MGAT4C: variants seen among roughly 807,000 people sequenced by gnomAD.
The protein encoded by MGAT4C is alpha-1,3-mannosyl-glycoprotein 4-beta-N-acetylglucosaminyltransferase C.
Under a neutral mutation model 40.1 loss-of-function variants are expected in MGAT4C, and 19 were observed. The ratio of observed to expected loss-of-function variants is 0.47; its 90% CI spans 0.33 to 0.70. The LOEUF (loss-of-function observed/expected upper bound fraction) is 0.70, where lower values mean the gene tolerates loss of function less well. Ranked by LOEUF, MGAT4C falls within the 30% of genes least tolerant of loss-of-function variation. The pLI is 0.02. For missense variants in MGAT4C, 491 were observed against 563.2 expected (o/e 0.87, Z 1.30); for synonymous variants, 181 against 187.1 (o/e 0.97, Z 0.27).
At chr12:86,673,398 T>C (rs550162823) in intron 2 of MGAT4C, among the ~76,000 whole-genome samples, 37 of 152,274 alleles carry the variant, frequency 2.4e-4, no homozygotes, top group Non-Finnish European at 5.9e-5. Context: ...GTATCATATA[T>C]CATTCCCTCA....
At chr12:86,565,920 C>T (rs1356066851) in intron 2 of MGAT4C, among the ~76,000 whole-genome samples, 1 of 152,136 alleles carries the variant, frequency 6.6e-6, no homozygotes, top group South Asian at 2.1e-4. Flanking sequence ...GCAACATGGA[C>T]TTCCACTCAC....
chr12:86,367,437 T>A (rs565460735), intron 3 of MGAT4C, among the ~76,000 whole-genome samples: 42 of 152,232 alleles, frequency 2.8e-4, no homozygotes, highest in African/African-American at 1.0e-3. Flanking sequence ...CCCTCCCAGA[T>A]AAGCACAACA....
chr12:86,505,565 T>C (rs1327269218), intron 2 of MGAT4C, among the ~76,000 whole-genome samples: 1 of 152,206 alleles, frequency 6.6e-6, no homozygotes, highest in Non-Finnish European at 1.5e-5. Context: ...TTTTTCCATG[T>C]GGAATATCTA....
chr12:86,521,591 T>C (rs939793820), intron 2 of MGAT4C, among the ~76,000 whole-genome samples: 1 of 152,056 alleles, frequency 6.6e-6, no homozygotes, highest in South Asian at 2.1e-4. Context: ...TTTGGTTCCA[T>C]ATGAATTTTT....
At chr12:86,573,155 A>G (rs536007952) in intron 2 of MGAT4C, among the ~76,000 whole-genome samples, 1 of 152,026 alleles carries the variant, frequency 6.6e-6, no homozygotes, top group Non-Finnish European at 1.5e-5. Flanking sequence ...GATTGTTGAA[A>G]TGTATAAAGA....
intron 3 of MGAT4C, among the ~76,000 whole-genome samples, chr12:86,366,709 T>C (rs1007936994): frequency 1.3e-5 from 2 of 152,140 alleles, no homozygotes; most frequent in African/African-American, 4.8e-5. Flanking sequence ...ACATGTAGCC[T>C]TTAATGTATA....
Position 86,644,741 on chromosome 12 carries a change from A to G in MGAT4C, c.-229+82468T>C, listed in dbSNP as rs530999260. 3.4e-3 allele frequency among the ~76,000 whole-genome samples: 524 copies of G among 151,900 alleles called. 1 individual carries two copies. The highest frequency in any genetic ancestry group is 0.012 in the African/African-American group (502 of 41,528). The stretch of plus-strand genomic sequence containing the variant: ...TCAACAATGAAAATATATGAATAGC[A>G]TATAAAAATAAAATTTAATTTTATC... On this transcript the variant is annotated intron_variant, in intron 2 of 7. Coordinates refer to the MGAT4C transcript ENST00000548651.
At chr12:86,774,402 TC>T (rs1951716315) in intron 1 of MGAT4C, among the ~76,000 whole-genome samples, 1 of 139,962 alleles carries the variant, frequency 7.1e-6, no homozygotes, top group South Asian at 2.3e-4. Flanking sequence ...CTCTCCTCTC[TC>T]TCTCTCTCTC....
intron 4 of MGAT4C, among the ~76,000 whole-genome samples, chr12:86,319,882 T>G (rs1954337538): frequency 6.6e-6 from 1 of 152,214 alleles, no homozygotes; most frequent in Admixed American, 6.5e-5. Context: ...ATAAAATTTT[T>G]TTAAAGTCCA....
intron 1 of MGAT4C, among the ~76,000 whole-genome samples, chr12:86,756,917 G>A (rs2136147455): frequency 6.6e-6 from 1 of 152,190 alleles, no homozygotes; most frequent in Non-Finnish European, 1.5e-5. Context: ...TGCTTCAAAT[G>A]TATAACAAAA....
intron 1 of MGAT4C, among the ~76,000 whole-genome samples, chr12:86,221,928 T>C (rs1409014522): frequency 1.3e-5 from 2 of 152,210 alleles, no homozygotes; most frequent in Non-Finnish European, 2.9e-5. Flanking sequence ...TACATGCACA[T>C]ATACAAACAT....
At chr12:86,069,927 A>T (rs919854270) in intron 1 of MGAT4C, among the ~76,000 whole-genome samples, 5 of 152,090 alleles carry the variant, frequency 3.3e-5, no homozygotes, top group African/African-American at 1.2e-4. Context: ...ATTAAATAAT[A>T]TATTCTCATT....
At chr12:86,345,275 T>A (rs1955003689) in intron 3 of MGAT4C, among the ~76,000 whole-genome samples, 3 of 151,814 alleles carry the variant, frequency 2.0e-5, no homozygotes, top group African/African-American at 7.3e-5. Flanking sequence ...TATTTTATTT[T>A]ATTTTTATTA....
rs1883809349 is a variant in MGAT4C, at chr12:85,974,447, CATGTATAT to C, written c.*4834_*4841del. On this transcript the variant is annotated 3_prime_UTR_variant, in exon 5 of 5. Transcript: ENST00000611864. ...TACACAACACATATACAAATACATA[CATGTATAT>C]ATGTATATATATACACAAATATACA... 1 of 150,430 alleles carries C rather than the reference CATGTATAT, an allele frequency of 6.6e-6. No homozygotes were observed. 9.3% of individuals were successfully genotyped at this position (150,430 alleles called of 1,614,324 possible). A position where few individuals can be genotyped will look rare whatever the true frequency, so the allele number is the denominator to read the frequency against.
At chr12:86,185,281 T>TG (rs1888633193) in intron 1 of MGAT4C, among the ~76,000 whole-genome samples, 1 of 152,174 alleles carries the variant, frequency 6.6e-6, no homozygotes, top group Admixed American at 6.6e-5. Context: ...TATCTTCATT[T>TG]TGGTAAGTAA....
In MGAT4C at chr12:85,976,728, G is replaced by A. The variant is rs1225326229; in HGVS notation, c.*2561C>T. The A allele has an allele frequency of 1.4e-5, 2 of 147,748 alleles. No individual in the cohort carries two copies. Among genetic ancestry groups the A allele is most frequent in the African/African-American group, 2.5e-5 (1 of 40,682 alleles). The allele number at this position is 147,748 out of a possible 1,614,324, so 9.2% of individuals were successfully genotyped here. On this transcript the variant is annotated 3_prime_UTR_variant, in exon 5 of 5. Coordinates refer to ENST00000611864, the MANE Select transcript of MGAT4C (RefSeq NM_001351288.2). ...ATATATATAAACTTACAGCAAAAAT[G>A]TTTAAAAATAGCAAATAGTTTGAGT...
intron 2 of MGAT4C, among the ~76,000 whole-genome samples, chr12:86,706,362 G>A (rs532820908): frequency 1.4e-4 from 21 of 152,074 alleles, no homozygotes; most frequent in Non-Finnish European, 1.8e-4. Context: ...TAATTGGAAT[G>A]TTCAACAAAT....
chr12:86,088,328 C>T (rs1031101401), intron 1 of MGAT4C, among the ~76,000 whole-genome samples: 3 of 152,002 alleles, frequency 2.0e-5, no homozygotes, highest in Non-Finnish European at 4.4e-5. Context: ...GATTTTATAA[C>T]AAAGATGCCA....
intron 4 of MGAT4C, among the ~76,000 whole-genome samples, chr12:86,267,968 G>C (rs1259096664): frequency 1.3e-5 from 2 of 152,062 alleles, no homozygotes; most frequent in Non-Finnish European, 2.9e-5. Context: ...ATAGGTTTTG[G>C]TGGCATTAGA....
Sources: gnomAD v4.1 joint callset for allele counts (sites outside exome capture counted in the v4.1 genomes callset) on GRCh38, gnomAD v4.1.1 for gene constraint, MANE v1.5 for transcripts, NCBI Gene and HGNC (gene_info 2026-07-23, HGNC 2026-07-21) for gene names.